The following ADGRB3 variants were observed in gnomAD, a reference collection of about 807,000 sequenced individuals.
ADGRB3 encodes the protein brain-specific angiogenesis inhibitor 3.
Under a neutral mutation model 193.4 loss-of-function variants are expected in ADGRB3, and 37 were observed. The ratio of observed to expected loss-of-function variants is 0.19; its 90% confidence interval spans 0.15 to 0.25. The LOEUF (loss-of-function observed/expected upper bound fraction) is 0.25, where lower values mean the gene tolerates loss of function less well. ADGRB3 is among the 10% of genes least tolerant of loss of function. The pLI is 1.00. For missense variants in ADGRB3, 1,637 were observed against 1,852.9 expected, an observed-to-expected ratio of 0.88 and a Z score of 2.14; for synonymous variants, 690 against 644.2, an observed-to-expected ratio of 1.07 and a Z score of -1.08.
intron 13 of ADGRB3, among the ~76,000 whole-genome samples, chr6:69,024,633 T>G (rs1770372655): frequency 6.6e-6 from 1 of 152,202 alleles, no homozygotes; most frequent in Non-Finnish European, 1.5e-5. Context: ...TGTTAGGAAT[T>G]TCAAAAGTTC....
At chr6:69,018,244 T>A in intron 12 of ADGRB3, 147 bp from the exon 13 acceptor site, 1 of 490,538 alleles carries the variant, frequency 2.0e-6, no homozygotes, top group Non-Finnish European at 3.6e-6. Context: ...ACTATTAATT[T>A]AAAAAATACA....
chr6:68,797,100 A>G (rs1767223684), intron 3 of ADGRB3, among the ~76,000 whole-genome samples: 1 of 152,140 alleles, frequency 6.6e-6, no homozygotes. Flanking sequence ...GAACTGAAGG[A>G]GCCATGATGA....
intron 20 of ADGRB3, among the ~76,000 whole-genome samples, chr6:69,304,895 G>T (rs1231805767): frequency 6.6e-6 from 1 of 151,540 alleles, no homozygotes; most frequent in Non-Finnish European, 1.5e-5. Context: ...CTCCAAATCT[G>T]TGGTGCACCA....
chr6:68,922,861 T>C (rs906165232), intron 3 of ADGRB3, among the ~76,000 whole-genome samples: 1 of 152,126 alleles, frequency 6.6e-6, no homozygotes, highest in Non-Finnish European at 1.5e-5. Context: ...TATTTGTAGA[T>C]CTCTCTATAG....
chr6:69,055,833 T>C (rs1377239584), intron 15 of ADGRB3, among the ~76,000 whole-genome samples: 2 of 151,956 alleles, frequency 1.3e-5, no homozygotes, highest in African/African-American at 2.4e-5. Context: ...CTTTGTTTTG[T>C]TTTGTTTTGT....
chr6:69,359,403 T>C (rs947431532), intron 28 of ADGRB3, among the ~76,000 whole-genome samples: 4 of 151,610 alleles, frequency 2.6e-5, no homozygotes, highest in East Asian at 1.9e-4. Flanking sequence ...TTATTATGTA[T>C]AACACTTAAT....
intron 3 of ADGRB3, among the ~76,000 whole-genome samples, chr6:68,832,625 TTATTAGATTGG>T (rs1308209881): frequency 6.6e-6 from 1 of 152,142 alleles, no homozygotes; most frequent in African/African-American, 2.4e-5. Flanking sequence ...TGCATCATTG[TTATTAGATTGG>T]TTGGAGTATG....
chr6:68,914,105 T>C (rs1356120017), intron 3 of ADGRB3, among the ~76,000 whole-genome samples: 2 of 151,824 alleles, frequency 1.3e-5, no homozygotes, highest in African/African-American at 4.8e-5. Context: ...TGGAACCAAG[T>C]TGGAAAACAC....
chr6:68,799,249 G>A (rs1043380111), intron 3 of ADGRB3, among the ~76,000 whole-genome samples: 2 of 152,024 alleles, frequency 1.3e-5, no homozygotes, highest in Non-Finnish European at 2.9e-5. Flanking sequence ...CCATAAGGAA[G>A]GGAAGAAAAA....
chr6:69,171,072 A>ATATC, intron 17 of ADGRB3, among the ~76,000 whole-genome samples: 1 of 152,356 alleles, frequency 6.6e-6, no homozygotes, highest in African/African-American at 2.4e-5. Context: ...TTAACCCAAT[A>ATATC]TATCTAAAAT....
Position 69,318,908 on chromosome 6 carries a change from T to C in ADGRB3, c.2815-5964T>C, listed in dbSNP as rs112919384. 7.1e-3 allele frequency among the ~76,000 whole-genome samples: 1,064 copies of C among 150,880 alleles called. 13 individuals are homozygous for C. The highest frequency in any genetic ancestry group is 0.022 in the African/African-American group (915 of 41,370). ...ATAACTATTTTCATTCCTAAACTTA[T>C]TTATTTTGCTTTTTCTCTCACCTTT... On this transcript the variant is annotated intron_variant, in intron 20 of 31. Coordinates refer to ENST00000370598, the MANE Select transcript of ADGRB3 (RefSeq NM_001704.3).
intron 3 of ADGRB3, among the ~76,000 whole-genome samples, chr6:68,802,962 A>G (rs1372520335): frequency 6.6e-6 from 1 of 152,138 alleles, no homozygotes; most frequent in African/African-American, 2.4e-5. Flanking sequence ...ACCTCGACTT[A>G]TCTTTCCAAT....
chr6:68,800,444 G>A (rs1406071463), intron 3 of ADGRB3, among the ~76,000 whole-genome samples: 1 of 152,088 alleles, frequency 6.6e-6, no homozygotes, highest in Admixed American at 6.6e-5. Flanking sequence ...TATGAACCTG[G>A]GAATCATCAG....
At chr6:68,825,446 A>C (rs1301337549) in intron 3 of ADGRB3, among the ~76,000 whole-genome samples, 1 of 151,920 alleles carries the variant, frequency 6.6e-6, no homozygotes, top group South Asian at 2.1e-4. Context: ...AAGGGAATGC[A>C]TACATATATG....
chr6:68,702,615 A>G (rs1765259380), intron 3 of ADGRB3, among the ~76,000 whole-genome samples: 1 of 152,150 alleles, frequency 6.6e-6, no homozygotes, highest in Non-Finnish European at 1.5e-5. Context: ...GGAGATAGGA[A>G]AGGATTCAAG....
chr6:68,851,057 G>C (rs1768388689), intron 3 of ADGRB3, among the ~76,000 whole-genome samples: 1 of 151,850 alleles, frequency 6.6e-6, no homozygotes, highest in Non-Finnish European at 1.5e-5. Context: ...TTCCATTTTG[G>C]ACACTTGGCT....
At chr6:69,137,600 C>T (rs1273772822) in intron 17 of ADGRB3, among the ~76,000 whole-genome samples, 1 of 152,088 alleles carries the variant, frequency 6.6e-6, no homozygotes, top group Non-Finnish European at 1.5e-5. Flanking sequence ...AGTTCAAGAG[C>T]ATCCTGGCCA....
At chr6:69,317,369 G>A (rs1768335968) in intron 20 of ADGRB3, among the ~76,000 whole-genome samples, 1 of 151,318 alleles carries the variant, frequency 6.6e-6, no homozygotes, top group Admixed American at 6.6e-5. Flanking sequence ...GTTCCTGCTT[G>A]TACACCTATC....
chr6:69,312,983 A>G (rs1453200668), intron 20 of ADGRB3, among the ~76,000 whole-genome samples: 2 of 151,866 alleles, frequency 1.3e-5, no homozygotes, highest in Non-Finnish European at 2.9e-5. Context: ...AGCAATTTTT[A>G]TAGTAATCCT....
Sources: allele counts gnomAD v4.1 joint callset (sites outside exome capture counted in the v4.1 genomes callset), GRCh38; gene constraint gnomAD v4.1.1; transcripts MANE v1.5; gene names NCBI Gene and HGNC (gene_info 2026-07-23, HGNC 2026-07-21).